Variants in HS6ST3 observed in about 807,000 individuals in gnomAD.
The protein encoded by HS6ST3 is heparan sulfate 6-O-sulfotransferase 3, also known as heparan-sulfate 6-O-sulfotransferase 3.
A neutral mutation model predicts 36.7 loss-of-function variants in HS6ST3; 12 were observed. That is an observed-to-expected ratio of 0.33 (90% CI 0.21 to 0.53). HS6ST3 has a LOEUF of 0.53. Among genes scored for constraint, HS6ST3 ranks in the 20% least tolerant of loss-of-function variants. The pLI, the probability that HS6ST3 is intolerant of heterozygous loss-of-function variation, is 0.95. For missense variants in HS6ST3, 584 were observed against 640.9 expected (o/e 0.91, Z 0.96); for synonymous variants, 240 against 257.5 (o/e 0.93, Z 0.65).
At chr13:96,449,256 C>T (rs965463492) in intron 1 of HS6ST3, among the ~76,000 whole-genome samples, 6 of 152,330 alleles carry the variant, frequency 3.9e-5, no homozygotes, top group Non-Finnish European at 8.8e-5. Flanking sequence ...GCCACTGTGC[C>T]TGGCATAATC....
At chr13:96,276,708 G>C (rs117631315) in intron 1 of HS6ST3, among the ~76,000 whole-genome samples, 75 of 152,288 alleles carry the variant, frequency 4.9e-4, no homozygotes, top group South Asian at 1.0e-3. Context: ...CTTTGCTGGT[G>C]TTGTAGTTTA....
At chr13:96,422,925 T>A (rs932454351) in intron 1 of HS6ST3, among the ~76,000 whole-genome samples, 4 of 152,196 alleles carry the variant, frequency 2.6e-5, no homozygotes, top group Admixed American at 6.5e-5. Flanking sequence ...TATCAAAACA[T>A]CACAAGTAAT....
At chr13:96,569,804 G>GCAAGGTTGAGCAGCAAGTTGAGCAA (rs2056294729) in intron 1 of HS6ST3, among the ~76,000 whole-genome samples, 1 of 152,140 alleles carries the variant, frequency 6.6e-6, no homozygotes, top group Admixed American at 6.5e-5. Flanking sequence ...ACCCTGCTCA[G>GCAAGGTTGAGCAGCAAGTTGAGCAA]GGTCACTCAG....
At chr13:96,433,867 G>A (rs572473314) in intron 1 of HS6ST3, among the ~76,000 whole-genome samples, 3 of 152,264 alleles carry the variant, frequency 2.0e-5, no homozygotes, top group Admixed American at 6.5e-5. Context: ...TCCTGGAGGC[G>A]GAGGCTGCAG....
chr13:96,177,346 C>T (rs1200002112), intron 1 of HS6ST3, among the ~76,000 whole-genome samples: 1 of 152,124 alleles, frequency 6.6e-6, no homozygotes, highest in African/African-American at 2.4e-5. Flanking sequence ...GCACTATTCA[C>T]AATAGCAAAG....
At chr13:96,731,059 C>T (rs892850740) in intron 1 of HS6ST3, among the ~76,000 whole-genome samples, 3 of 152,184 alleles carry the variant, frequency 2.0e-5, no homozygotes, top group East Asian at 1.9e-4. Flanking sequence ...TTAACATAAA[C>T]ATTACCTCGC....
chr13:96,698,219 C>T (rs764674564), intron 1 of HS6ST3, among the ~76,000 whole-genome samples: 10 of 152,146 alleles, frequency 6.6e-5, no homozygotes, highest in Admixed American at 2.6e-4. Flanking sequence ...CAACAGGCCC[C>T]GGTGTGTGAT....
At chr13:96,642,080 AT>A (rs2056572200) in intron 1 of HS6ST3, among the ~76,000 whole-genome samples, 1 of 151,786 alleles carries the variant, frequency 6.6e-6, no homozygotes, top group Non-Finnish European at 1.5e-5. Context: ...AAGAAAACAA[AT>A]TTTCTCAGTT....
At chr13:96,250,529 C>A (rs1314187703) in intron 1 of HS6ST3, among the ~76,000 whole-genome samples, 1 of 152,174 alleles carries the variant, frequency 6.6e-6, no homozygotes, top group Non-Finnish European at 1.5e-5. Flanking sequence ...TTGCAGTCAA[C>A]AGAAGCTGGA....
intron 1 of HS6ST3, among the ~76,000 whole-genome samples, chr13:96,653,292 GGC>G (rs2056613782): frequency 2.0e-5 from 3 of 152,044 alleles, no homozygotes; most frequent in African/African-American, 7.2e-5. Flanking sequence ...CATGTGTTAT[GGC>G]GATTTGTTGC....
At chr13:96,793,982 A>G (rs1302779961) in intron 1 of HS6ST3, among the ~76,000 whole-genome samples, 2 of 151,838 alleles carry the variant, frequency 1.3e-5, no homozygotes, top group African/African-American at 2.4e-5. Flanking sequence ...ATAATAATGC[A>G]TTTTATTTTA....
At chr13:96,828,366 T>C (rs959327778) in intron 1 of HS6ST3, among the ~76,000 whole-genome samples, 3 of 152,198 alleles carry the variant, frequency 2.0e-5, no homozygotes, top group African/African-American at 7.2e-5. Flanking sequence ...TAGAATAACA[T>C]TGTACCCTTA....
At chr13:96,782,341 C>G (rs1877545507) in intron 1 of HS6ST3, among the ~76,000 whole-genome samples, 2 of 152,156 alleles carry the variant, frequency 1.3e-5, no homozygotes, top group African/African-American at 4.8e-5. Context: ...ACACATCAGA[C>G]CAGTGCTAAG....
intron 1 of HS6ST3, among the ~76,000 whole-genome samples, chr13:96,292,667 A>G (rs2054835988): frequency 6.6e-6 from 1 of 152,118 alleles, no homozygotes; most frequent in Non-Finnish European, 1.5e-5. Context: ...ACTAATAGGC[A>G]CTGGGGACTG....
At chr13:96,167,687 T>C (rs1402030531) in intron 1 of HS6ST3, among the ~76,000 whole-genome samples, 1 of 152,234 alleles carries the variant, frequency 6.6e-6, no homozygotes, top group Non-Finnish European at 1.5e-5. Context: ...GCATTAATCA[T>C]GCTGAATCGT....
intron 1 of HS6ST3, among the ~76,000 whole-genome samples, chr13:96,428,263 C>T (rs1277018848): frequency 2.0e-5 from 3 of 152,156 alleles, no homozygotes; most frequent in Admixed American, 6.5e-5. Flanking sequence ...GCAGAAGAAT[C>T]GCTTGACAGG....
intron 1 of HS6ST3, among the ~76,000 whole-genome samples, chr13:96,764,162 A>G (rs1028240172): frequency 6.6e-6 from 1 of 152,220 alleles, no homozygotes; most frequent in East Asian, 1.9e-4. Context: ...TATTGAGTAC[A>G]TGAACAATGC....
intron 1 of HS6ST3, among the ~76,000 whole-genome samples, chr13:96,795,574 T>C (rs1438787088): frequency 6.6e-6 from 1 of 152,152 alleles, no homozygotes; most frequent in Admixed American, 6.6e-5. Flanking sequence ...CTATTAGTCA[T>C]TAATAGCTGT....
chr13:96,786,066 C>T (rs1217643623), intron 1 of HS6ST3, among the ~76,000 whole-genome samples: 1 of 152,108 alleles, frequency 6.6e-6, no homozygotes, highest in Admixed American at 6.6e-5. Context: ...ACTACTTCAC[C>T]TCTCTCCTTT....
Sources: gnomAD v4.1 joint callset for allele counts (sites outside exome capture counted in the v4.1 genomes callset) on GRCh38, gnomAD v4.1.1 for gene constraint, MANE v1.5 for transcripts, NCBI Gene and HGNC (gene_info 2026-07-23, HGNC 2026-07-21) for gene names.